Variants in SMYD3 observed in about 807,000 individuals in gnomAD.
SMYD3 encodes SET and MYND domain containing 3, also known as histone-lysine N-methyltransferase SMYD3.
In SMYD3, 36 loss-of-function variants were observed where a neutral mutation model predicts 57.7. The observed-to-expected ratio is 0.62, with a 90% CI of 0.48 to 0.82. The LOEUF (loss-of-function observed/expected upper bound fraction) is 0.82. SMYD3 is among the 40% of genes least tolerant of loss of function. The pLI, the probability that SMYD3 is intolerant of heterozygous loss-of-function variation, is 0.00. For missense variants in SMYD3, 515 were observed against 538.8 expected (o/e 0.96, Z 0.44); for synonymous variants, 211 against 195.0 (o/e 1.08, Z -0.68).
At chr1:245,772,506 TTAAC>T (rs1486570950) in intron 10 of SMYD3, among the ~76,000 whole-genome samples, 2 of 151,908 alleles carry the variant, frequency 1.3e-5, no homozygotes, top group Non-Finnish European at 2.9e-5. Context: ...AAAAAACAAT[TTAAC>T]TAGTCAGCCA....
chr1:246,245,306 G>A (rs1009889124), intron 5 of SMYD3, among the ~76,000 whole-genome samples: 4 of 152,018 alleles, frequency 2.6e-5, no homozygotes, highest in Non-Finnish European at 5.9e-5. Flanking sequence ...AGCTAAGTGT[G>A]GTGGCACATG....
rs60915002 is a variant in SMYD3 at position 246,225,321 on chromosome 1, C to CAAAAAAAAAAAAAA, written c.531+101866_531+101879dup. ...GTTATGTGGAAGACTGCTGAAAAGT[C>CAAAAAAAAAAAAAA]AAAAAAAAAAAAAAAAAAAAAAAAA... On this transcript the variant is annotated intron_variant, in intron 5 of 11. Coordinates refer to ENST00000490107, the MANE Select transcript of SMYD3 (RefSeq NM_001167740.2). Among the ~76,000 whole-genome samples the CAAAAAAAAAAAAAA allele has an allele frequency of 3.7e-3, 283 of 76,236 alleles. 52 individuals are homozygous for CAAAAAAAAAAAAAA. Among genetic ancestry groups the CAAAAAAAAAAAAAA allele is most frequent in the Non-Finnish European group, 5.4e-3 (182 of 33,432 alleles). 50.0% of individuals were successfully genotyped at this position (76,236 alleles called of 152,430 possible).
chr1:246,096,668 G>A (rs2060920617), intron 5 of SMYD3, among the ~76,000 whole-genome samples: 2 of 152,172 alleles, frequency 1.3e-5, no homozygotes, highest in African/African-American at 4.8e-5. Context: ...TTGCAATTCT[G>A]AGCCTCAGGC....
At chr1:245,884,540 C>G (rs1376288559) in intron 8 of SMYD3, among the ~76,000 whole-genome samples, 1 of 152,028 alleles carries the variant, frequency 6.6e-6, no homozygotes, top group Non-Finnish European at 1.5e-5. Context: ...CCTGAAGAAG[C>G]TGGCCATCCC....
intron 2 of SMYD3, among the ~76,000 whole-genome samples, chr1:246,344,823 C>T (rs1436921567): frequency 6.6e-6 from 1 of 152,136 alleles, no homozygotes; most frequent in Non-Finnish European, 1.5e-5. Flanking sequence ...ATCTGGTGAC[C>T]AGTGACAATG....
At chr1:245,922,869 T>G (rs1267453339) in intron 7 of SMYD3, among the ~76,000 whole-genome samples, 1 of 152,224 alleles carries the variant, frequency 6.6e-6, no homozygotes, top group South Asian at 2.1e-4. Context: ...AAAATGAATA[T>G]GTAACATTAT....
rs956800051 is a variant in SMYD3 at position 246,355,353 on chromosome 1, C to A, written c.165-259G>T. The A allele has an allele frequency of 4.3e-6, 2 of 460,004 alleles. No individual in the cohort carries two copies. The highest frequency in any genetic ancestry group is 3.9e-6 in the Non-Finnish European group (1 of 254,386). 28.5% of individuals were successfully genotyped at this position (460,004 alleles called of 1,614,324 possible). A position where few individuals can be genotyped will look rare whatever the true frequency, so the allele number is the denominator to read the frequency against. The stretch of plus-strand genomic sequence containing the variant: ...GCAGGACCAGCTTGCAGCTCCCGAT[C>A]GGACAGACAGAGCAGCGTGTGGGGA... On this transcript the variant is annotated intron_variant, in intron 1 of 11. Coordinates refer to ENST00000490107, the MANE Select transcript of SMYD3 (RefSeq NM_001167740.2). This position sits in a 1 kb window ranked among gnomAD's most constrained non-coding sequence, Gnocchi z 5.0.
chr1:245,862,586 G>T (rs1572537415), intron 9 of SMYD3, among the ~76,000 whole-genome samples: 1 of 151,762 alleles, frequency 6.6e-6, no homozygotes, highest in Non-Finnish European at 1.5e-5. Context: ...TGATAAACCT[G>T]TCCTCTGTAT....
At chr1:246,284,791 T>C (rs1353540384) in intron 5 of SMYD3, among the ~76,000 whole-genome samples, 1 of 152,194 alleles carries the variant, frequency 6.6e-6, no homozygotes, top group Non-Finnish European at 1.5e-5. Flanking sequence ...TAAGGGAGTA[T>C]GGTAAATTGT....
At chr1:246,366,638 T>C (rs1037014419) in intron 1 of SMYD3, among the ~76,000 whole-genome samples, 3 of 150,400 alleles carry the variant, frequency 2.0e-5, no homozygotes, top group South Asian at 4.2e-4. Flanking sequence ...TTGGGGAGCA[T>C]AGAATCATCT....
intron 5 of SMYD3, among the ~76,000 whole-genome samples, chr1:245,960,588 G>A (rs191171162): frequency 1.7e-4 from 26 of 152,272 alleles, no homozygotes; most frequent in Admixed American, 3.3e-4. Flanking sequence ...TTAGTCAGGT[G>A]TGGTAGTGTG....
intron 5 of SMYD3, among the ~76,000 whole-genome samples, chr1:246,306,827 A>G (rs1024137801): frequency 1.3e-5 from 2 of 152,190 alleles, no homozygotes; most frequent in Non-Finnish European, 2.9e-5. Flanking sequence ...CCTAATGACA[A>G]GGATTTTGCC....
chr1:246,136,461 C>T (rs1190080426), intron 5 of SMYD3, among the ~76,000 whole-genome samples: 1 of 152,028 alleles, frequency 6.6e-6, no homozygotes, highest in Admixed American at 6.5e-5. Flanking sequence ...ATGTACTGGG[C>T]ACTTAAAGAA....
intron 5 of SMYD3, among the ~76,000 whole-genome samples, chr1:246,030,876 T>C (rs183898602): frequency 1.6e-3 from 247 of 152,280 alleles, no homozygotes; most frequent in African/African-American, 5.5e-3. Context: ...CATCAAACAA[T>C]GTTACGTAAA....
intron 5 of SMYD3, among the ~76,000 whole-genome samples, chr1:246,154,879 T>G (rs1219150579): frequency 2.0e-5 from 3 of 151,992 alleles, no homozygotes; most frequent in Non-Finnish European, 4.4e-5. Context: ...CCTCCCGGGT[T>G]CATGTGATTC....
intron 5 of SMYD3, among the ~76,000 whole-genome samples, chr1:246,039,992 C>G (rs940805190): frequency 6.6e-6 from 1 of 152,136 alleles, no homozygotes; most frequent in Non-Finnish European, 1.5e-5. Flanking sequence ...ATTGTCTTAG[C>G]GTAAGTTACA....
chr1:245,760,853 T>C (rs1258657304), intron 11 of SMYD3, among the ~76,000 whole-genome samples: 2 of 152,132 alleles, frequency 1.3e-5, no homozygotes, highest in Non-Finnish European at 2.9e-5. Context: ...GAACAAGAGT[T>C]CCTGTAACAA....
At chr1:246,013,076 G>A (rs1217360488) in intron 5 of SMYD3, among the ~76,000 whole-genome samples, 2 of 152,180 alleles carry the variant, frequency 1.3e-5, no homozygotes, top group Non-Finnish European at 2.9e-5. Context: ...ACAAGACCAC[G>A]TTTCCTAGGG....
chr1:246,299,751 G>A (rs1447182104), intron 5 of SMYD3, among the ~76,000 whole-genome samples: 6 of 151,994 alleles, frequency 3.9e-5, no homozygotes, highest in East Asian at 1.9e-4. Context: ...ACCAAACACC[G>A]CATGTTCTCA....
Sources: gnomAD v4.1 joint callset for allele counts (sites outside exome capture counted in the v4.1 genomes callset) on GRCh38, gnomAD v4.1.1 for gene constraint, Gnocchi (gnomAD v3.1) non-coding constraint, MANE v1.5 for transcripts, NCBI Gene and HGNC (gene_info 2026-07-23, HGNC 2026-07-21) for gene names.